Variants in POPDC1 observed in about 807,000 individuals in gnomAD.
POPDC1 encodes popeye domain-containing protein 1.
At chr6:105,124,313 C>T in the POPDC1 span, among the ~76,000 whole-genome samples, 2 of 135,494 alleles carry the variant, frequency 1.5e-5, no homozygotes, top group East Asian at 4.9e-4. Context: ...ACCTGGGAGG[C>T]GGAGCTTGCA....
the POPDC1 span, among the ~76,000 whole-genome samples, chr6:105,127,108 T>C: frequency 6.6e-6 from 1 of 152,208 alleles, no homozygotes; most frequent in Non-Finnish European, 1.5e-5. Context: ...ACGAAGCCTA[T>C]AGACCCAGAT....
the POPDC1 span, among the ~76,000 whole-genome samples, chr6:105,113,131 T>C: frequency 6.6e-5 from 10 of 151,838 alleles, no homozygotes; most frequent in Admixed American, 3.3e-4. Context: ...GGGGTCTCAT[T>C]ATGTTGCCCA....
chr6:105,123,706 T>G, the POPDC1 span, among the ~76,000 whole-genome samples: 1 of 152,242 alleles, frequency 6.6e-6, no homozygotes, highest in African/African-American at 2.4e-5. Context: ...CAATTTGTTT[T>G]AACACAAAAG....
the POPDC1 span, chr6:105,115,735 G>A: frequency 1.3e-4 from 206 of 1,614,124 alleles, 2 homozygotes; most frequent in East Asian, 3.2e-3. Context: ...GCAAGCCGTC[G>A]TCACTGTCAC....
the POPDC1 span, among the ~76,000 whole-genome samples, chr6:105,109,781 A>AAAAAAAAAAAAAAAAAAAAAAAAAAAAAC: frequency 6.8e-6 from 1 of 147,752 alleles, no homozygotes; most frequent in Non-Finnish European, 1.5e-5. Flanking sequence ...AAAAAAAAAA[A>AAAAAAAAAAAAAAAAAAAAAAAAAAAAAC]AGATTAAGTG....
the POPDC1 span, chr6:105,125,382 A>G: frequency 6.2e-7 from 1 of 1,613,958 alleles, no homozygotes; most frequent in Non-Finnish European, 8.5e-7. Context: ...ATTTCCACAG[A>G]ACACTTACTT....
chr6:105,135,147 T>C, the POPDC1 span, among the ~76,000 whole-genome samples: 1 of 152,186 alleles, frequency 6.6e-6, no homozygotes, highest in East Asian at 1.9e-4. Flanking sequence ...CTGTTTGTCC[T>C]CTAGGAGGCA....
chr6:105,100,871 T>C, the POPDC1 span: 1 of 378,252 alleles, frequency 2.6e-6, no homozygotes, highest in African/African-American at 2.1e-5. Context: ...CAAGGCATAG[T>C]CAGAAGGCTC....
At chr6:105,124,524 T>C in the POPDC1 span, 1 of 1,510,976 alleles carries the variant, frequency 6.6e-7, no homozygotes. Flanking sequence ...TTCAATCTCC[T>C]TAAAAATCAT....
chr6:105,102,002 A>AG, the POPDC1 span, among the ~76,000 whole-genome samples: 1 of 152,214 alleles, frequency 6.6e-6, no homozygotes, highest in Non-Finnish European at 1.5e-5. Flanking sequence ...AGGCCTCTCA[A>AG]GGTGCCTAAT....
At chr6:105,116,991 TA>T in the POPDC1 span, 127 of 983,554 alleles carry the variant, frequency 1.3e-4, no homozygotes, top group Admixed American at 1.7e-4. Flanking sequence ...TGTCAAATTA[TA>T]AAAAAAAGGA....
At chr6:105,104,990 G>C in the POPDC1 span, among the ~76,000 whole-genome samples, 175 of 152,220 alleles carry the variant, frequency 1.1e-3, no homozygotes, top group African/African-American at 3.8e-3. Flanking sequence ...CTAAAACAAA[G>C]ACATCCGTGA....
the POPDC1 span, chr6:105,115,676 G>C: frequency 2.5e-6 from 4 of 1,613,816 alleles, no homozygotes; most frequent in Non-Finnish European, 3.4e-6. Flanking sequence ...TCAGTTTTGG[G>C]ATAACTTACG....
At chr6:105,106,956 T>A in the POPDC1 span, among the ~76,000 whole-genome samples, 1 of 152,202 alleles carries the variant, frequency 6.6e-6, no homozygotes, top group South Asian at 2.1e-4. Context: ...TTACAAACAA[T>A]CCAACTTACT....
At chr6:105,103,070 C>T in the POPDC1 span, among the ~76,000 whole-genome samples, 5 of 152,304 alleles carry the variant, frequency 3.3e-5, no homozygotes, top group Admixed American at 6.5e-5. Flanking sequence ...ATCAAACACA[C>T]GAAACACAAC....
the POPDC1 span, among the ~76,000 whole-genome samples, chr6:105,130,516 T>G: frequency 1.3e-5 from 2 of 152,180 alleles, no homozygotes; most frequent in African/African-American, 4.8e-5. Context: ...AAATTTGCAA[T>G]CCTACTAGTT....
chr6:105,128,881 A>G, the POPDC1 span, among the ~76,000 whole-genome samples: 1 of 152,014 alleles, frequency 6.6e-6, no homozygotes, highest in East Asian at 1.9e-4. Context: ...GATAAATCAG[A>G]GTTGAAAAGA....
chr6:105,115,372 C>A, the POPDC1 span, among the ~76,000 whole-genome samples: 5 of 152,342 alleles, frequency 3.3e-5, no homozygotes, highest in East Asian at 9.7e-4. Context: ...CCCGCCTCAG[C>A]CTCCCAAAGT....
the POPDC1 span, among the ~76,000 whole-genome samples, chr6:105,121,879 A>G: frequency 6.6e-4 from 101 of 152,304 alleles, no homozygotes; most frequent in African/African-American, 2.4e-3. Context: ...GAGAAACTCA[A>G]AGGAAGTAGA....
Sources: allele counts gnomAD v4.1 joint callset (sites outside exome capture counted in the v4.1 genomes callset), GRCh38; gene constraint gnomAD v4.1.1; transcripts MANE v1.5; gene names NCBI Gene and HGNC (gene_info 2026-07-23, HGNC 2026-07-21).